DNAH14: variants seen among roughly 807,000 people sequenced by gnomAD.
DNAH14 encodes the protein axonemal beta dynein heavy chain 14.
DNAH14 carries 478 observed loss-of-function variants against 520.9 expected under a neutral mutation model. The ratio of observed to expected loss-of-function variants is 0.92; its 90% CI spans 0.85 to 0.99. DNAH14 has a LOEUF of 0.99. Among genes scored for constraint, DNAH14 ranks in the 50% least tolerant of loss-of-function variants. DNAH14 has a pLI of 0.00. For missense variants in DNAH14, 4,831 were observed against 5,234.5 expected (o/e 0.92, Z 2.38); for synonymous variants, 1,581 against 1,757.2 (o/e 0.90, Z 2.51).
intron 36 of DNAH14, among the ~76,000 whole-genome samples, chr1:225,184,495 C>A (rs1167336974): frequency 1.3e-5 from 2 of 152,050 alleles, no homozygotes; most frequent in Admixed American, 6.5e-5. Flanking sequence ...TGGCACGCAC[C>A]TGTAGTCCCA....
chr1:225,111,928 A>G (rs1558993904), intron 23 of DNAH14, among the ~76,000 whole-genome samples: 2 of 151,420 alleles, frequency 1.3e-5, no homozygotes. Flanking sequence ...GCTAATAAAA[A>G]CTCTGCAGTT....
At chr1:224,996,863 G>C (rs569672571) in intron 8 of DNAH14, among the ~76,000 whole-genome samples, 2 of 152,184 alleles carry the variant, frequency 1.3e-5, no homozygotes, top group Non-Finnish European at 2.9e-5. Flanking sequence ...GGTGGGCTTT[G>C]AGCCTGAACT....
chr1:225,179,630 G>C (rs1184375496), intron 36 of DNAH14, among the ~76,000 whole-genome samples: 1 of 152,090 alleles, frequency 6.6e-6, no homozygotes, highest in Non-Finnish European at 1.5e-5. Flanking sequence ...TCATGTTAAA[G>C]ATATGAGTAT....
At chr1:225,041,276 T>A (rs1255959301) in intron 12 of DNAH14, among the ~76,000 whole-genome samples, 1 of 152,232 alleles carries the variant, frequency 6.6e-6, no homozygotes, top group Non-Finnish European at 1.5e-5. Context: ...AAGCGAGAGA[T>A]AAGAGCTAAA....
At chr1:225,051,838 T>A (rs1211932261) in intron 17 of DNAH14, 43 bp downstream of exon 17, 4 of 1,319,006 alleles carry the variant, frequency 3.0e-6, no homozygotes, top group Non-Finnish European at 4.1e-6. Flanking sequence ...ATGTTTCAGA[T>A]TAGTAAATTT....
intron 8 of DNAH14, among the ~76,000 whole-genome samples, chr1:224,995,081 C>T (rs1246805769): frequency 6.6e-6 from 1 of 152,080 alleles, no homozygotes; most frequent in Non-Finnish European, 1.5e-5. Flanking sequence ...AATTGCTTTA[C>T]ACGTTACCAT....
intron 27 of DNAH14, among the ~76,000 whole-genome samples, chr1:225,133,430 C>G (rs2078637221): frequency 6.6e-6 from 1 of 152,170 alleles, no homozygotes; most frequent in Non-Finnish European, 1.5e-5. Context: ...GTTCCACTTT[C>G]ACTTTTCTAG....
intron 43 of DNAH14, among the ~76,000 whole-genome samples, chr1:225,247,975 C>T (rs999608239): frequency 2.0e-5 from 3 of 151,996 alleles, no homozygotes; most frequent in South Asian, 2.1e-4. Context: ...GCCGAGATCG[C>T]GCCACTGCAC....
At chr1:225,358,801 C>T (rs912645804) in intron 74 of DNAH14, 149 bp downstream of exon 74, 5 of 772,826 alleles carry the variant, frequency 6.5e-6, no homozygotes, top group African/African-American at 5.5e-5. Flanking sequence ...TGGTTCCCCC[C>T]ATGCTGTTCT....
intron 3 of DNAH14, among the ~76,000 whole-genome samples, chr1:224,958,614 A>G (rs1233724854): frequency 1.3e-5 from 2 of 152,104 alleles, no homozygotes; most frequent in African/African-American, 2.4e-5. Flanking sequence ...AAAAATGGTC[A>G]TGTTGGGAGA....
intron 17 of DNAH14, among the ~76,000 whole-genome samples, chr1:225,078,539 A>G (rs2072572412): frequency 1.3e-5 from 2 of 152,190 alleles, no homozygotes; most frequent in Non-Finnish European, 1.5e-5. Context: ...TGGTCATGTT[A>G]ATGCCCCAGT....
At chr1:225,093,499 A>G (rs941721571) in intron 21 of DNAH14, among the ~76,000 whole-genome samples, 5 of 152,180 alleles carry the variant, frequency 3.3e-5, no homozygotes, top group African/African-American at 9.6e-5. Context: ...GATAAAAGCC[A>G]TATATGACAA....
Position 224,968,851 on chromosome 1 carries a change from A to G in DNAH14, c.744A>G (p.Gln248=). The change falls in exon 7 of 86, where the codon CAA becomes CAG. Residue 248 remains glutamine, a synonymous_variant. Transcript: ENST00000682510. Reference sequence around the variant, plus strand: ...GAAGACATTACTATTTATTACGGCAATTCAAGATATTTTCTGATTTCCGGT... The same window carrying G: ...GAAGACATTACTATTTATTACGGCAGTTCAAGATATTTTCTGATTTCCGGT... ...SERRHYYLLR[Q]FKIFSDFRMN... is the part of the protein sequence containing the mutation. 1 of 1,542,180 alleles carries G rather than the reference A, an allele frequency of 6.5e-7. No homozygotes were observed.
At chr1:225,379,157 C>G (rs1033582160) in intron 79 of DNAH14, among the ~76,000 whole-genome samples, 1 of 152,212 alleles carries the variant, frequency 6.6e-6, no homozygotes, top group African/African-American at 2.4e-5. Context: ...AGAAGCCCTT[C>G]GTGTCAACAC....
rs562656702 is a variant in DNAH14 at position 224,993,483 on chromosome 1, A to G, written c.831-9300A>G. On this transcript the variant is annotated intron_variant, in intron 8 of 85. Coordinates refer to ENST00000682510, the MANE Select transcript of DNAH14 (RefSeq NM_001367479.1). Reference sequence around the variant, plus strand: ...TCTAGGTAATCCAATTTGTTGGTGCATAATTGTTCATAACAGCCTCTTAGG... The same window carrying G: ...TCTAGGTAATCCAATTTGTTGGTGCGTAATTGTTCATAACAGCCTCTTAGG... 5.3e-5 allele frequency among the ~76,000 whole-genome samples: 8 copies of G among 152,022 alleles called. 1 individual carries two copies. In the East Asian group the frequency reaches 1.5e-3, roughly 29 times the overall value.
At chr1:225,381,362 T>G (rs1314051500) in intron 80 of DNAH14, 21 bp from the exon 81 acceptor site, 3 of 1,523,408 alleles carry the variant, frequency 2.0e-6, no homozygotes, top group Non-Finnish European at 2.6e-6. Context: ...TATCAAAATT[T>G]TATTTCTTTT....
intron 34 of DNAH14, among the ~76,000 whole-genome samples, chr1:225,155,432 T>C (rs2080931872): frequency 6.7e-6 from 1 of 148,794 alleles, no homozygotes; most frequent in African/African-American, 2.5e-5. Context: ...GAGGCATATA[T>C]TGCAAAATGG....
At chr1:225,388,781 A>ATT (rs558034315) in intron 82 of DNAH14, among the ~76,000 whole-genome samples, 2 of 148,008 alleles carry the variant, frequency 1.4e-5, no homozygotes, top group African/African-American at 2.5e-5. Context: ...GTTACATGTA[A>ATT]TTTTTTTTTT....
intron 60 of DNAH14, among the ~76,000 whole-genome samples, chr1:225,313,984 G>A (rs746232654): frequency 6.6e-6 from 1 of 152,114 alleles, no homozygotes; most frequent in Non-Finnish European, 1.5e-5. Context: ...TTCAATTCCT[G>A]AATATCCTTG....
Sources: allele counts gnomAD v4.1 joint callset (sites outside exome capture counted in the v4.1 genomes callset), GRCh38; gene constraint gnomAD v4.1.1; transcripts MANE v1.5; gene names NCBI Gene and HGNC (gene_info 2026-07-23, HGNC 2026-07-21).